Variants in HS3ST5 observed in about 807,000 individuals in gnomAD.
HS3ST5 encodes the protein heparan sulfate-glucosamine 3-sulfotransferase 5, also known as heparan sulfate glucosamine 3-O-sulfotransferase 5.
HS3ST5 carries 10 observed loss-of-function variants against 25.4 expected under a neutral mutation model. The ratio of observed to expected loss-of-function variants is 0.39; its 90% CI spans 0.24 to 0.67. The LOEUF is 0.67. HS3ST5 is among the 30% of genes least tolerant of loss of function. The probability of loss-of-function intolerance (pLI) is 0.44; values close to 1 mark genes in which losing one functional copy is unlikely to be tolerated. For synonymous variants in HS3ST5, 170 were observed against 162.4 expected (o/e 1.05, Z -0.36); for missense variants, 324 against 420.7 (o/e 0.77, Z 2.01).
chr6:114,223,508 T>C, intron 2 of HS3ST5, among the ~76,000 whole-genome samples: 1 of 151,812 alleles, frequency 6.6e-6, no homozygotes, highest in East Asian at 1.9e-4. Context: ...ATTATTATCA[T>C]CTGCATTCCT....
intron 1 of HS3ST5, among the ~76,000 whole-genome samples, chr6:114,333,124 A>G (rs923107999): frequency 2.0e-5 from 3 of 152,196 alleles, no homozygotes; most frequent in African/African-American, 7.2e-5. Flanking sequence ...GGAGGCTACT[A>G]TGATTCAGGT....
At chr6:114,108,563 C>A (rs570019076) in intron 3 of HS3ST5, among the ~76,000 whole-genome samples, 1 of 152,220 alleles carries the variant, frequency 6.6e-6, no homozygotes, top group African/African-American at 2.4e-5. Context: ...CTGGTAATAT[C>A]TCTCCGGCGC....
intron 3 of HS3ST5, among the ~76,000 whole-genome samples, chr6:114,100,123 A>G (rs1775646803): frequency 6.6e-6 from 1 of 152,224 alleles, no homozygotes. Flanking sequence ...TTATTCTAGG[A>G]GACATAGGAT....
intron 1 of HS3ST5, among the ~76,000 whole-genome samples, chr6:114,265,829 G>A (rs974698428): frequency 6.6e-6 from 1 of 151,572 alleles, no homozygotes; most frequent in African/African-American, 2.4e-5. Context: ...CTTCTTTTGG[G>A]GCATCTCTTC....
At chr6:114,070,334 C>T (rs987861815) in intron 3 of HS3ST5, among the ~76,000 whole-genome samples, 1 of 150,156 alleles carries the variant, frequency 6.7e-6, no homozygotes, top group South Asian at 2.1e-4. Context: ...TAAAAGGGAC[C>T]ATTTAGGTGG....
intron 1 of HS3ST5, among the ~76,000 whole-genome samples, chr6:114,259,074 T>A (rs1773055551): frequency 6.6e-6 from 1 of 152,190 alleles, no homozygotes; most frequent in African/African-American, 2.4e-5. Context: ...TGGTTAATGT[T>A]AGCTATTAAT....
chr6:114,127,859 G>T (rs574285906), intron 3 of HS3ST5, among the ~76,000 whole-genome samples: 9,343 of 146,938 alleles, frequency 0.064, 435 homozygotes, highest in African/African-American at 0.13. Flanking sequence ...TATATATAGA[G>T]AGAGAGAGAG....
At position 114,058,085 on chromosome 6, in the gene HS3ST5, G is replaced by T. The variant is rs1772876714; in HGVS notation, c.213C>A (p.Phe71Leu). The change falls in exon 5 of 5, where the codon TTC becomes TTA. Residue 71 changes from phenylalanine to leucine, a missense_variant. Phe to Leu is a conservative substitution (Grantham distance 22, BLOSUM62 0). Around this residue, in one of 2 missense-constraint regions of HS3ST5, gnomAD observed 121 missense variants for 117.3 expected, o/e 1.03. Transcript: ENST00000312719. Reference sequence around the variant, plus strand: ...GCTCCTTGGAAGCGTTGCCCTTCCGGAACTCGTGCAGCAGGCCACGCTTAA... The same window carrying T: ...GCTCCTTGGAAGCGTTGCCCTTCCGTAACTCGTGCAGCAGGCCACGCTTAA... ...LQFKRGLLHE[F>L]RKGNASKEQV... 1 of 1,614,070 alleles carries T rather than the reference G, an allele frequency of 6.2e-7. No homozygotes were observed. Among genetic ancestry groups the T allele is most frequent in the Non-Finnish European group, 8.5e-7 (1 of 1,180,032 alleles).
At chr6:114,130,638 C>T (rs371617710) in intron 3 of HS3ST5, among the ~76,000 whole-genome samples, 229 of 152,198 alleles carry the variant, frequency 1.5e-3, no homozygotes, top group African/African-American at 4.9e-3. Context: ...GGCGCAATCT[C>T]GGCTCACTGC....
chr6:114,213,867 C>G (rs1348739178), intron 2 of HS3ST5, among the ~76,000 whole-genome samples: 1 of 152,170 alleles, frequency 6.6e-6, no homozygotes, highest in Non-Finnish European at 1.5e-5. Context: ...AATCAAATTG[C>G]TTACTAATCT....
At chr6:114,264,119 T>G (rs1183169547) in intron 1 of HS3ST5, among the ~76,000 whole-genome samples, 1 of 152,214 alleles carries the variant, frequency 6.6e-6, no homozygotes, top group Non-Finnish European at 1.5e-5. Context: ...AAACTTAATA[T>G]AGTATTGCTC....
chr6:114,328,670 T>C (rs563518821), intron 1 of HS3ST5, among the ~76,000 whole-genome samples: 3 of 152,356 alleles, frequency 2.0e-5, no homozygotes, highest in Non-Finnish European at 4.4e-5. Context: ...CTGGCAGTGC[T>C]AACGCTAAAC....
intron 1 of HS3ST5, among the ~76,000 whole-genome samples, chr6:114,321,962 A>G (rs1238749185): frequency 2.0e-5 from 3 of 152,134 alleles, no homozygotes; most frequent in African/African-American, 7.2e-5. Context: ...AAAGCCACTT[A>G]TTTTCTTACA....
intron 1 of HS3ST5, among the ~76,000 whole-genome samples, chr6:114,291,178 CA>C (rs1483102765): frequency 6.6e-6 from 1 of 152,066 alleles, no homozygotes; most frequent in Non-Finnish European, 1.5e-5. Context: ...CCACTTAGTA[CA>C]ACTACTAGTT....
chr6:114,328,848 C>T (rs1441402254), intron 1 of HS3ST5, among the ~76,000 whole-genome samples: 2 of 152,162 alleles, frequency 1.3e-5, no homozygotes, highest in African/African-American at 4.8e-5. Flanking sequence ...CTGCTTACTT[C>T]CCCAGATCAG....
chr6:114,316,431 T>C (rs1179358356), intron 1 of HS3ST5, among the ~76,000 whole-genome samples: 1 of 152,178 alleles, frequency 6.6e-6, no homozygotes, highest in African/African-American at 2.4e-5. Context: ...TTCAATGTAA[T>C]GTGTGCCTGG....
At chr6:114,216,365 A>G (rs1286345841) in intron 2 of HS3ST5, among the ~76,000 whole-genome samples, 1 of 152,204 alleles carries the variant, frequency 6.6e-6, no homozygotes, top group Non-Finnish European at 1.5e-5. Context: ...AATGCATGCA[A>G]CTTCAGTTAT....
intron 1 of HS3ST5, among the ~76,000 whole-genome samples, chr6:114,275,062 C>A (rs1773790912): frequency 6.6e-6 from 1 of 151,864 alleles, no homozygotes; most frequent in Non-Finnish European, 1.5e-5. Flanking sequence ...GGATTAGAGG[C>A]CTTCCCTGAC....
chr6:114,258,201 G>A (rs1371299236), intron 1 of HS3ST5, among the ~76,000 whole-genome samples: 1 of 152,162 alleles, frequency 6.6e-6, no homozygotes, highest in East Asian at 1.9e-4. Context: ...TGTCTGGGGT[G>A]ATTGTTGTTA....
Sources: allele counts gnomAD v4.1 joint callset (sites outside exome capture counted in the v4.1 genomes callset), GRCh38; gene constraint gnomAD v4.1.1; regional missense constraint gnomAD v4.1.1; transcripts MANE v1.5; gene names NCBI Gene and HGNC (gene_info 2026-07-23, HGNC 2026-07-21).